CR1: variants seen among roughly 807,000 people sequenced by gnomAD.
CR1 encodes complement C3b/C4b receptor 1 (Knops blood group), also known as complement receptor type 1.
A neutral mutation model predicts 187.3 loss-of-function variants in CR1; 116 were observed. The observed-to-expected ratio is 0.62, with a 90% confidence interval of 0.53 to 0.72. CR1 has a LOEUF of 0.72. Ranked by LOEUF, CR1 falls within the 30% of genes least tolerant of loss-of-function variation. CR1 has a pLI of 0.00. For synonymous variants in CR1, 576 were observed against 747.1 expected, an observed-to-expected ratio of 0.77 and a Z score of 3.73; for missense variants, 1,731 against 2,110.7, an observed-to-expected ratio of 0.82 and a Z score of 3.52.
chr1:207,580,457 C>A (rs761951124), intron 30 of CR1, 41 bp downstream of exon 30: 1 of 1,608,020 alleles, frequency 6.2e-7, no homozygotes, highest in South Asian at 1.1e-5. Flanking sequence ...CTCTTTACCC[C>A]ACACATGGAG....
At chr1:207,593,239 C>T (rs146525914) in intron 35 of CR1, among the ~76,000 whole-genome samples, 9,969 of 152,046 alleles carry the variant, frequency 0.066, 1,082 homozygotes, top group African/African-American at 0.22. Flanking sequence ...AAAACAGCAT[C>T]GTACTGGTAC....
intron 35 of CR1, among the ~76,000 whole-genome samples, chr1:207,596,211 C>A (rs759179500): frequency 6.6e-6 from 1 of 151,824 alleles, no homozygotes; most frequent in East Asian, 1.9e-4. Context: ...AGCATTATTA[C>A]GTTAAAGTGA....
chr1:207,499,302 A>G (rs1659193012), intron 1 of CR1, among the ~76,000 whole-genome samples: 1 of 152,234 alleles, frequency 6.6e-6, no homozygotes, highest in African/African-American at 2.4e-5. Context: ...ATTATCCAAG[A>G]AGACGTAACA....
intron 35 of CR1, among the ~76,000 whole-genome samples, chr1:207,592,973 C>T (rs1661317635): frequency 6.7e-6 from 1 of 149,696 alleles, no homozygotes; most frequent in African/African-American, 2.5e-5. Context: ...AAACATTTCA[C>T]GATTGTGGAT....
intron 4 of CR1, among the ~76,000 whole-genome samples, chr1:207,520,788 A>G (rs1659951908): frequency 6.6e-6 from 1 of 152,132 alleles, no homozygotes; most frequent in Non-Finnish European, 1.5e-5. Context: ...AGAGCTTCTG[A>G]CAACAAATTC....
intron 2 of CR1, 51 bp downstream of exon 2, chr1:207,506,134 T>G (rs377233248): frequency 6.3e-7 from 1 of 1,587,852 alleles, no homozygotes; most frequent in Non-Finnish European, 8.6e-7. Context: ...ATCTGTAAGA[T>G]CTGATTCAAT....
At chr1:207,605,372 A>AC (rs1321187230) in intron 35 of CR1, among the ~76,000 whole-genome samples, 1 of 147,070 alleles carries the variant, frequency 6.8e-6, no homozygotes, top group Admixed American at 6.8e-5. Flanking sequence ...CACACACACA[A>AC]AACAAATATG....
chr1:207,630,503 T>C lies in CR1; in HGVS notation c.7353-14T>C. ...GATTAAGACAGTTTTTCTATTTTTT[T>C]CTCTGCCAATTAGCAATAATGCACA... is the stretch of plus-strand genomic sequence containing the variant. On this transcript the variant is annotated splice_polypyrimidine_tract_variant and intron_variant, in intron 45 of 46. Transcript: ENST00000367049. 3.3e-6 allele frequency: 5 copies of C among 1,522,702 alleles called. No homozygotes were observed. The highest frequency in any genetic ancestry group is 4.5e-6 in the Non-Finnish European group (5 of 1,121,030). The allele number at this position is 1,522,702 out of a possible 1,614,324, so 94.3% of individuals were successfully genotyped here.
chr1:207,511,810 C>G (rs892346373), intron 4 of CR1, among the ~76,000 whole-genome samples, 156 bp downstream of exon 4: 5 of 152,186 alleles, frequency 3.3e-5, no homozygotes, highest in Non-Finnish European at 5.9e-5. Flanking sequence ...GGGTTCCTGG[C>G]AACTCTTTCT....
In CR1 at chr1:207,584,884, T is replaced by C. The variant is rs1571560528; in HGVS notation, c.5530+8T>C. ...AACTTTCTGTTCGTGCTGGTCAGTA[T>C]CCACTTCCACATATCCTAAATGGGT... is the stretch of plus-strand genomic sequence containing the variant. On this transcript the variant is annotated splice_region_variant and intron_variant, in intron 33 of 46. Coordinates refer to ENST00000367049, the MANE Select transcript of CR1 (RefSeq NM_000651.6). 1.2e-6 allele frequency: 2 copies of C among 1,613,918 alleles called. No individual in the cohort carries two copies. The highest frequency in any genetic ancestry group is 1.7e-6 in the Non-Finnish European group (2 of 1,179,818).
At chr1:207,601,921 A>AT (rs1266478700) in intron 35 of CR1, among the ~76,000 whole-genome samples, 2 of 152,062 alleles carry the variant, frequency 1.3e-5, no homozygotes. Context: ...AGGACACTTC[A>AT]GTTCCTCACT....
At chr1:207,497,713 C>T (rs1659132091) in intron 1 of CR1, among the ~76,000 whole-genome samples, 1 of 152,170 alleles carries the variant, frequency 6.6e-6, no homozygotes, top group Middle Eastern at 3.4e-3. Flanking sequence ...GGAGTACTGG[C>T]CCTCTTCTTA....
At position 207,566,582 on chromosome 1, in the gene CR1, G is replaced by A. The variant is rs573428923; in HGVS notation, c.3952+659G>A. 8.7e-5 allele frequency among the ~76,000 whole-genome samples: 13 copies of A among 150,282 alleles called. 1 individual carries two copies. The South Asian group carries it at 2.7e-3, about 31-fold the overall frequency. ...TGAGACAATAGAGCAAAGCACTGAG[G>A]AATGAGGCAAAAATGGGGAGCAACA... On this transcript the variant is annotated intron_variant, in intron 24 of 46. Coordinates refer to ENST00000367049, the MANE Select transcript of CR1 (RefSeq NM_000651.6).
At chr1:207,524,626 AATT>A (rs1256261940) in intron 5 of CR1, among the ~76,000 whole-genome samples, 10 of 151,972 alleles carry the variant, frequency 6.6e-5, no homozygotes, top group African/African-American at 1.5e-4. Context: ...CAGCTCAAGC[AATT>A]CACCCACCTT....
chr1:207,619,334 G>T (rs971991008), intron 42 of CR1, among the ~76,000 whole-genome samples: 10 of 133,790 alleles, frequency 7.5e-5, no homozygotes, highest in African/African-American at 2.9e-4. Context: ...TGTGAGCCCA[G>T]ATCGCGCCAC....
chr1:207,600,636 C>A (rs1375501208), intron 35 of CR1: 1 of 152,142 alleles, frequency 6.6e-6, no homozygotes, highest in Admixed American at 6.5e-5. Context: ...TGGAGAATAA[C>A]AATCGCTAAT....
chr1:207,606,650 T>C (rs887040059), intron 35 of CR1: 1 of 152,230 alleles, frequency 6.6e-6, no homozygotes, highest in Non-Finnish European at 1.5e-5. Flanking sequence ...ACCTAATAAA[T>C]TTTTTAAAAG....
intron 46 of CR1, among the ~76,000 whole-genome samples, chr1:207,631,961 C>T (rs146465763): frequency 1.8e-3 from 267 of 152,236 alleles, no homozygotes; most frequent in Middle Eastern, 0.01. Flanking sequence ...CATCAGAAAT[C>T]CTAAATTCAA....
intron 45 of CR1, among the ~76,000 whole-genome samples, chr1:207,625,754 C>G (rs372228282): frequency 1.2e-4 from 19 of 152,172 alleles, no homozygotes; most frequent in African/African-American, 4.1e-4. Context: ...CTGTGTCCAC[C>G]TCTGGTTGGG....
Sources: allele counts gnomAD v4.1 joint callset (sites outside exome capture counted in the v4.1 genomes callset), GRCh38; gene constraint gnomAD v4.1.1; transcripts MANE v1.5; gene names NCBI Gene and HGNC (gene_info 2026-07-23, HGNC 2026-07-21).